The following SKA3 variants were observed in gnomAD, a reference collection of about 807,000 sequenced individuals.
The protein encoded by SKA3 is spindle and kinetochore-associated protein 3.
Under a neutral mutation model 44.2 loss-of-function variants are expected in SKA3, and 39 were observed. That is an observed-to-expected ratio of 0.88 (90% CI 0.68 to 1.15). SKA3 has a LOEUF of 1.15. SKA3 is among the 50% of genes most tolerant of loss of function. The pLI is 0.00. For missense variants in SKA3, 511 were observed against 485.8 expected, an observed-to-expected ratio of 1.05 and a Z score of -0.49; for synonymous variants, 192 against 172.0, an observed-to-expected ratio of 1.12 and a Z score of -0.91.
intron 5 of SKA3, among the ~76,000 whole-genome samples, chr13:21,160,601 G>A (rs868192842): frequency 1.5e-4 from 23 of 152,002 alleles, no homozygotes; most frequent in African/African-American, 4.8e-4. Context: ...TGGAAAAGAC[G>A]GAGAAACAGG....
intron 4 of SKA3, among the ~76,000 whole-genome samples, chr13:21,167,343 A>G (rs111757509): frequency 0.033 from 4,944 of 152,106 alleles, 126 homozygotes; most frequent in Non-Finnish European, 0.047. Flanking sequence ...TATCCCTACA[A>G]ATATCTTTTT....
chr13:21,155,037 G>A lies in SKA3; in HGVS notation c.*113C>T, dbSNP rs1280379728. 9 of 1,513,920 alleles carry A rather than the reference G, an allele frequency of 5.9e-6. No individual in the cohort carries two copies. The highest frequency in any genetic ancestry group is 8.1e-6 in the Non-Finnish European group (9 of 1,106,200). The allele number at this position is 1,513,920 out of a possible 1,614,324, so 93.8% of individuals were successfully genotyped here. ...TAATGTTCATGTTTGTCTTTAAAAT[G>A]GGTCAACGTTTAAAGGGGGACAGAG... On this transcript the variant is annotated 3_prime_UTR_variant, in exon 9 of 9. Coordinates refer to ENST00000314759, the MANE Select transcript of SKA3 (RefSeq NM_145061.6).
At chr13:21,167,870 C>A in intron 4 of SKA3, 118 bp downstream of exon 4, 2 of 680,886 alleles carry the variant, frequency 2.9e-6, no homozygotes, top group East Asian at 4.3e-5. Context: ...AAATAAATAT[C>A]TGAAAACTTT....
At chr13:21,156,474 G>T (rs1258760530) in intron 7 of SKA3, among the ~76,000 whole-genome samples, 1 of 152,088 alleles carries the variant, frequency 6.6e-6, no homozygotes, top group Non-Finnish European at 1.5e-5. Flanking sequence ...TGCATAAAGG[G>T]GTGATATAGT....
chr13:21,165,034 T>TTTTTTATA (rs1870632350), intron 4 of SKA3, among the ~76,000 whole-genome samples: 1 of 152,082 alleles, frequency 6.6e-6, no homozygotes, highest in South Asian at 2.1e-4. Context: ...ATATTTTCTT[T>TTTTTTATA]TATTTTTTAA....
chr13:21,170,577 A>G (rs934630229), intron 3 of SKA3, among the ~76,000 whole-genome samples: 2 of 152,324 alleles, frequency 1.3e-5, no homozygotes, highest in African/African-American at 4.8e-5. Flanking sequence ...GTTCCTTTGA[A>G]GAGCTTCTGA....
intron 1 of SKA3, among the ~76,000 whole-genome samples, chr13:21,175,143 T>C (rs1871388547): frequency 6.6e-6 from 1 of 150,508 alleles, no homozygotes; most frequent in South Asian, 2.1e-4. Context: ...GCCCAGCTAA[T>C]TGTTTTGTAT....
intron 1 of SKA3, among the ~76,000 whole-genome samples, chr13:21,173,936 G>T (rs763381387): frequency 7.2e-5 from 11 of 152,156 alleles, no homozygotes; most frequent in Non-Finnish European, 1.5e-4. Flanking sequence ...TTTCCAACAT[G>T]ATTTTTACAG....
chr13:21,174,352 A>G (rs996531930), intron 1 of SKA3, among the ~76,000 whole-genome samples: 2 of 152,208 alleles, frequency 1.3e-5, no homozygotes, highest in African/African-American at 4.8e-5. Flanking sequence ...ATGTCCATCA[A>G]TGATAGACTG....
chr13:21,159,154 C>T lies in SKA3; in HGVS notation c.915+748G>A, dbSNP rs117851653. Among the ~76,000 whole-genome samples the T allele has an allele frequency of 8.4e-3, 1,278 of 152,228 alleles. 13 individuals are homozygous for T. The highest frequency in any genetic ancestry group is 0.014 in the Non-Finnish European group (932 of 67,986). ...TAGCCACATTTTCAGTGCTCAATAA[C>T]GTGATTAGAGGCTACCATATTGGAC... On this transcript the variant is annotated intron_variant, in intron 6 of 8. Transcript: ENST00000314759.
In SKA3 at chr13:21,176,478, G is replaced by A. The variant is rs1062233; in HGVS notation, c.-1C>T. The A allele has an allele frequency of 9.8e-6, 15 of 1,536,280 alleles. No individual in the cohort carries two copies. The highest frequency in any genetic ancestry group is 1.3e-5 in the Non-Finnish European group (15 of 1,138,944). On this transcript the variant is annotated 5_prime_UTR_variant, in exon 1 of 9. Transcript: ENST00000314759. Reference sequence around the variant, plus strand: ...CGCAGAAGCTCCGGATAGGGTCCATGCTGAGCACAGCGGGGAAGGACTCCA... The same window carrying A: ...CGCAGAAGCTCCGGATAGGGTCCATACTGAGCACAGCGGGGAAGGACTCCA...
intron 4 of SKA3, among the ~76,000 whole-genome samples, chr13:21,165,830 G>A (rs892188411): frequency 6.6e-6 from 1 of 152,038 alleles, no homozygotes; most frequent in Non-Finnish European, 1.5e-5. Flanking sequence ...AGCTACTCAG[G>A]TGGCTGAGGC....
Position 21,161,824 on chromosome 13 carries a change from A to G in SKA3, c.795T>C (p.Thr265=). 2 of 1,612,522 alleles carry G rather than the reference A, an allele frequency of 1.2e-6. No homozygotes were observed. The highest frequency in any genetic ancestry group is 1.7e-6 in the Non-Finnish European group (2 of 1,179,032). Residue 265 remains threonine, a synonymous_variant, in exon 5 of 9, where the codon ACT becomes ACC. Transcript: ENST00000314759. ...CCAACTGCTGGATGATGGGGCTGGG[A>G]GTGGCAAAAACATTATCATTGAGCC... is the stretch of plus-strand genomic sequence containing the variant. ...ESRLNDNVFA[T]PSPIIQQLEK...
intron 1 of SKA3, among the ~76,000 whole-genome samples, chr13:21,175,927 G>T (rs1365809952): frequency 6.6e-6 from 1 of 152,168 alleles, no homozygotes; most frequent in Non-Finnish European, 1.5e-5. Context: ...ACGTTAAATA[G>T]CTTGATTCTA....
chr13:21,158,843 A>G (rs1050996720), intron 6 of SKA3, among the ~76,000 whole-genome samples: 1 of 152,290 alleles, frequency 6.6e-6, no homozygotes, highest in Non-Finnish European at 1.5e-5. Context: ...AAATCAGCCA[A>G]TTGGGTAAGT....
chr13:21,164,653 T>C (rs1477596283), intron 4 of SKA3, among the ~76,000 whole-genome samples: 3 of 152,250 alleles, frequency 2.0e-5, no homozygotes, highest in African/African-American at 7.2e-5. Flanking sequence ...GTGTTAGTGG[T>C]TTCTTATTAG....
In SKA3 at chr13:21,154,391, G is replaced by A. The variant is rs1413467062; in HGVS notation, c.*759C>T. 2 of 152,576 alleles carry A rather than the reference G, an allele frequency of 1.3e-5. No individual in the cohort carries two copies. The highest frequency in any genetic ancestry group is 2.4e-5 in the African/African-American group (1 of 41,468). The allele number at this position is 152,576 out of a possible 1,614,324, so 9.5% of individuals were successfully genotyped here. ...CACAGGAGGGCCCCTGGCCCAGGAT[G>A]AGCCCTCAGAACCTTTTAGAGAGAG... is the stretch of plus-strand genomic sequence containing the variant. On this transcript the variant is annotated 3_prime_UTR_variant, in exon 9 of 9. Coordinates refer to ENST00000314759, the MANE Select transcript of SKA3 (RefSeq NM_145061.6).
At chr13:21,173,539 G>A (rs755317575) in intron 1 of SKA3, among the ~76,000 whole-genome samples, 79 of 152,200 alleles carry the variant, frequency 5.2e-4, no homozygotes, top group Non-Finnish European at 1.0e-3. Flanking sequence ...TTATAGGCGT[G>A]AGCCACTGCA....
chr13:21,169,948 T>C (rs1011410565), intron 3 of SKA3, among the ~76,000 whole-genome samples: 2 of 152,176 alleles, frequency 1.3e-5, no homozygotes, highest in Non-Finnish European at 2.9e-5. Flanking sequence ...TGAAACTGTA[T>C]TTTAAAATTT....
Sources: gnomAD v4.1 joint callset for allele counts (sites outside exome capture counted in the v4.1 genomes callset) on GRCh38, gnomAD v4.1.1 for gene constraint, MANE v1.5 for transcripts, NCBI Gene and HGNC (gene_info 2026-07-23, HGNC 2026-07-21) for gene names.